The following ATP1A3 variants were observed in gnomAD, a reference collection of about 807,000 sequenced individuals.
ATP1A3 encodes ATPase Na+/K+ transporting subunit alpha 3, also known as sodium/potassium-transporting ATPase subunit alpha-3.
In ATP1A3, 12 loss-of-function variants were observed where a neutral mutation model predicts 108.8. The ratio of observed to expected loss-of-function variants is 0.11; its 90% CI spans 0.07 to 0.18. The LOEUF is 0.18. Among genes scored for constraint, ATP1A3 ranks in the 10% least tolerant of loss-of-function variants. The pLI is 1.00. For missense variants in ATP1A3, 498 were observed against 1,387.7 expected (o/e 0.36, Z 10.19); for synonymous variants, 539 against 564.5 (o/e 0.95, Z 0.64).
chr19:41,980,259 C>A (rs527647407), intron 11 of ATP1A3, among the ~76,000 whole-genome samples: 3 of 152,372 alleles, frequency 2.0e-5, no homozygotes, highest in Admixed American at 1.3e-4. Flanking sequence ...ATGTCACTCA[C>A]TACTGTGTGT....
At chr19:41,992,445 C>T (rs1468539409) in intron 1 of ATP1A3, among the ~76,000 whole-genome samples, 1 of 152,248 alleles carries the variant, frequency 6.6e-6, no homozygotes, top group South Asian at 2.1e-4. Flanking sequence ...TCTCCCTGAT[C>T]TGGTGCCAGC....
Position 41,968,978 on chromosome 19 carries a change from C to A in ATP1A3, c.2689-63G>T. 2.5e-6 allele frequency: 4 copies of A among 1,609,868 alleles called. No homozygotes were observed. Among genetic ancestry groups the A allele is most frequent in the South Asian group, 1.1e-5 (1 of 90,842 alleles). On this transcript the variant is annotated intron_variant, in intron 19 of 22. Transcript: ENST00000648268. The surrounding 1 kb of genome is among the most constrained non-coding windows in gnomAD (Gnocchi z 5.0). Reference sequence around the variant, plus strand: ...GTGGCACTGCAGCCCTAGCCGCCACCCCGACGTTCCGGTGCTCTTTGCCCC... The same window carrying A: ...GTGGCACTGCAGCCCTAGCCGCCACACCGACGTTCCGGTGCTCTTTGCCCC...
chr19:41,993,201 G>A, intron 1 of ATP1A3: 1 of 179,914 alleles, frequency 5.6e-6, no homozygotes, highest in Non-Finnish European at 1.2e-5. Flanking sequence ...CCCCGCCCCA[G>A]ACACACAGGG....
intron 11 of ATP1A3, among the ~76,000 whole-genome samples, chr19:41,979,010 CT>C (rs535260643): frequency 5.5e-4 from 82 of 148,280 alleles, no homozygotes; most frequent in African/African-American, 1.9e-3. Context: ...TTTCTTTTTT[CT>C]TTTTTTTTTG....
intron 8 of ATP1A3, chr19:41,984,199 G>A (rs782591221): frequency 4.6e-5 from 7 of 151,928 alleles, no homozygotes; most frequent in African/African-American, 1.5e-4. Context: ...GAGCCACTGC[G>A]CCAGGCTTAT....
At chr19:41,969,853 ACAT>A (rs1305872450) in intron 18 of ATP1A3, among the ~76,000 whole-genome samples, 4 of 152,202 alleles carry the variant, frequency 2.6e-5, no homozygotes, top group African/African-American at 7.2e-5. Context: ...GGCCACCTAA[ACAT>A]CATGAATTCT....
rs548818381 is a variant in ATP1A3 at position 41,978,979 on chromosome 19, A to T, written c.1438-181T>A. Among the ~76,000 whole-genome samples the T allele has an allele frequency of 3.0e-4, 46 of 151,424 alleles. No homozygotes were observed. The highest frequency in any genetic ancestry group is 1.4e-3 in the Admixed American group (22 of 15,246). On this transcript the variant is annotated intron_variant, in intron 11 of 22. Transcript: ENST00000648268. The surrounding 1 kb of genome is among the most constrained non-coding windows in gnomAD (Gnocchi z 8.3). ...CGCTCTGTCTATGTCATGGATATAT[A>T]TTTCTTTTTCTTTTTCTTTTTTTCT...
rs961366355 is a variant in ATP1A3 at position 41,985,480 on chromosome 19, T to C, written c.607-57A>G. ...GTCCAGGGCCTGGGACAGGAGGGTA[T>C]TTGTGTACAGGGCTTGGGGCTGAAG... On this transcript the variant is annotated intron_variant, in intron 6 of 22. Coordinates refer to ENST00000648268, the MANE Select transcript of ATP1A3 (RefSeq NM_152296.5). This position sits in a 1 kb window ranked among gnomAD's most constrained non-coding sequence, Gnocchi z 8.2. 6.6e-7 allele frequency: 1 copy of C among 1,513,602 alleles called. No individual in the cohort carries two copies. Among genetic ancestry groups the C allele is most frequent in the Admixed American group, 1.7e-5 (1 of 59,848 alleles). 93.8% of individuals were successfully genotyped at this position (1,513,602 alleles called of 1,614,324 possible). A position where few individuals can be genotyped will look rare whatever the true frequency, so the allele number is the denominator to read the frequency against.
intron 16 of ATP1A3, among the ~76,000 whole-genome samples, chr19:41,975,083 G>A (rs1399161318): frequency 3.3e-5 from 5 of 150,890 alleles, no homozygotes; most frequent in Non-Finnish European, 5.9e-5. Flanking sequence ...ACGGAGTCTC[G>A]CTCTGTCCCC....
chr19:41,978,144 G>A lies in ATP1A3; in HGVS notation c.1806+7C>T. ...GCTTTGCCTCCCCCAGCCACCCCAA[G>A]CCACACCTTGATGCCTGCGCTGCGA... On this transcript the variant is annotated splice_region_variant and intron_variant, in intron 13 of 22. Transcript: ENST00000648268. This position sits in a 1 kb window ranked among gnomAD's most constrained non-coding sequence, Gnocchi z 8.3. The A allele has an allele frequency of 1.9e-6, 3 of 1,614,186 alleles. No individual in the cohort carries two copies. The highest frequency in any genetic ancestry group is 2.5e-6 in the Non-Finnish European group (3 of 1,180,038).
intron 1 of ATP1A3, chr19:41,993,536 C>T (rs2075360205): frequency 3.1e-6 from 4 of 1,282,506 alleles, no homozygotes; most frequent in Middle Eastern, 4.3e-4. Context: ...CACACACACA[C>T]ACACACACAC....
intron 1 of ATP1A3, among the ~76,000 whole-genome samples, chr19:41,990,282 CCTCTCTATCTCTGAATCT>C (rs1568868105): frequency 1.3e-5 from 2 of 150,232 alleles, no homozygotes; most frequent in Non-Finnish European, 3.0e-5. Flanking sequence ...TCTGGGATCT[CCTCTCTATCTCTGAATCT>C]CTCTTTCTCT....
chr19:41,967,350 G>A lies in ATP1A3; in HGVS notation c.2922-10C>T, dbSNP rs1440493491. The A allele has an allele frequency of 6.2e-7, 1 of 1,604,590 alleles. No individual in the cohort carries two copies. The highest frequency in any genetic ancestry group is 1.7e-5 in the Admixed American group (1 of 59,986). On this transcript the variant is annotated splice_polypyrimidine_tract_variant and intron_variant, in intron 21 of 22. Coordinates refer to ENST00000648268, the MANE Select transcript of ATP1A3 (RefSeq NM_152296.5). This position sits in a 1 kb window ranked among gnomAD's most constrained non-coding sequence, Gnocchi z 4.2. The stretch of plus-strand genomic sequence containing the variant: ...GAACCACCAGCTGGGCCTGCAGAGG[G>A]GAGAGCAGGAGGGCTTGAGTGCGGG...
chr19:41,988,394 TG>T lies in ATP1A3; in HGVS notation c.94-18del. ...GTGCTCTGTCTGAGGAACAGGAGTT[TG>T]GGGGAGACGGTGAGTGCCTAGGCCA... On this transcript the variant is annotated intron_variant, in intron 2 of 22. Coordinates refer to ENST00000648268, the MANE Select transcript of ATP1A3 (RefSeq NM_152296.5). This position sits in a 1 kb window ranked among gnomAD's most constrained non-coding sequence, Gnocchi z 5.3. 6.2e-7 allele frequency: 1 copy of T among 1,614,100 alleles called. No homozygotes were observed. Among genetic ancestry groups the T allele is most frequent in the South Asian group, 1.1e-5 (1 of 91,080 alleles).
Position 41,967,031 on chromosome 19 carries a change from C to T in ATP1A3, c.3014-66G>A, listed in dbSNP as rs943940604. ...ATGGAGAGAGACAGGCAAGGCGAGCCGCCCAGCAGAGAGAGGGACAGAGAG... is the reference window on the plus strand; with the variant it reads ...ATGGAGAGAGACAGGCAAGGCGAGCTGCCCAGCAGAGAGAGGGACAGAGAG... On this transcript the variant is annotated intron_variant, in intron 22 of 22. Coordinates refer to ENST00000648268, the MANE Select transcript of ATP1A3 (RefSeq NM_152296.5). The surrounding 1 kb of genome is among the most constrained non-coding windows in gnomAD (Gnocchi z 4.2). 6.3e-5 allele frequency: 98 copies of T among 1,551,206 alleles called. No homozygotes were observed. Among genetic ancestry groups the T allele is most frequent in the Middle Eastern group, 1.7e-4 (1 of 6,012 alleles).
rs1555862205 is a variant in ATP1A3, at chr19:41,978,407, G to A, written c.1631-81C>T. 4.6e-6 allele frequency: 7 copies of A among 1,512,844 alleles called. No homozygotes were observed. The highest frequency in any genetic ancestry group is 2.0e-5 in the Admixed American group (1 of 50,852). 93.7% of individuals were successfully genotyped at this position (1,512,844 alleles called of 1,614,324 possible). ...ATGCCCCTAGATGTCTGCATCGCCCGCATTCCATCTCCCCATCAGCAAGAC... is the reference window on the plus strand; with the variant it reads ...ATGCCCCTAGATGTCTGCATCGCCCACATTCCATCTCCCCATCAGCAAGAC... On this transcript the variant is annotated intron_variant, in intron 12 of 22. Coordinates refer to ENST00000648268, the MANE Select transcript of ATP1A3 (RefSeq NM_152296.5). The surrounding 1 kb of genome is among the most constrained non-coding windows in gnomAD (Gnocchi z 8.3).
At chr19:41,982,394 G>A (rs2075242724) in intron 8 of ATP1A3, among the ~76,000 whole-genome samples, 1 of 152,172 alleles carries the variant, frequency 6.6e-6, no homozygotes, top group Non-Finnish European at 1.5e-5. Flanking sequence ...GGGAGGCCGA[G>A]GTAGGCGCAT....
At chr19:41,974,103 C>T (rs903547468) in intron 16 of ATP1A3, among the ~76,000 whole-genome samples, 2 of 152,098 alleles carry the variant, frequency 1.3e-5, no homozygotes, top group African/African-American at 4.8e-5. Flanking sequence ...TGGTGGCATG[C>T]ACCTGTAATT....
Position 41,985,842 on chromosome 19 carries a change from C to T in ATP1A3, c.606+22G>A, listed in dbSNP as rs782446017. The T allele has an allele frequency of 4.6e-5, 75 of 1,613,040 alleles. No homozygotes were observed. Among genetic ancestry groups the T allele is most frequent in the African/African-American group, 6.7e-5 (5 of 74,880 alleles). On this transcript the variant is annotated intron_variant, in intron 6 of 22. Transcript: ENST00000648268. This position sits in a 1 kb window ranked among gnomAD's most constrained non-coding sequence, Gnocchi z 8.2. ...TGGGCAGCCCGAGGGAGGGTAAAGC[C>T]GGGCCCTAGGCCCAGGCCCACCTTG...
Sources: gnomAD v4.1 joint callset for allele counts (sites outside exome capture counted in the v4.1 genomes callset) on GRCh38, gnomAD v4.1.1 for gene constraint, Gnocchi (gnomAD v3.1) non-coding constraint, MANE v1.5 for transcripts, NCBI Gene and HGNC (gene_info 2026-07-23, HGNC 2026-07-21) for gene names.